CRTC1: variants seen among roughly 807,000 people sequenced by gnomAD.
CRTC1 encodes CREB-regulated transcription coactivator 1.
Under a neutral mutation model 66.1 loss-of-function variants are expected in CRTC1, and 18 were observed. That is an observed-to-expected ratio of 0.27 (90% CI 0.19 to 0.40). The LOEUF is 0.40. Among genes scored for constraint, CRTC1 ranks in the 10% least tolerant of loss-of-function variants. CRTC1 has a pLI of 1.00. For synonymous variants in CRTC1, 416 were observed against 398.8 expected (o/e 1.04, Z -0.51); for missense variants, 669 against 887.9 (o/e 0.75, Z 3.13).
intron 8 of CRTC1, 24 bp from the exon 9 acceptor site, chr19:18,765,380 C>T: frequency 6.3e-7 from 1 of 1,599,808 alleles, no homozygotes; most frequent in Non-Finnish European, 8.5e-7. Context: ...CACCTGCTCT[C>T]CCTCCCTCCT....
intron 5 of CRTC1, among the ~76,000 whole-genome samples, chr19:18,752,400 C>G (rs1197899005): frequency 6.6e-6 from 1 of 152,120 alleles, no homozygotes; most frequent in Non-Finnish European, 1.5e-5. Flanking sequence ...CTCGCTGCAG[C>G]CTCTACCTCT....
At chr19:18,761,980 C>A (rs909052148) in intron 8 of CRTC1, among the ~76,000 whole-genome samples, 1 of 152,144 alleles carries the variant, frequency 6.6e-6, no homozygotes, top group Non-Finnish European at 1.5e-5. Context: ...AAAACACAGC[C>A]GATTCGGAGG....
intron 13 of CRTC1, 22 bp downstream of exon 13, chr19:18,775,843 G>A (rs371192426): frequency 3.5e-5 from 54 of 1,546,940 alleles, no homozygotes; most frequent in Admixed American, 6.2e-5. Context: ...CCGGGGGCGC[G>A]TGTGCGGCGC....
chr19:18,779,499 T>G lies in CRTC1; in HGVS notation c.*2117T>G. ...GAAAAACTACATGTACATAGGAGAG[T>G]TTCATTACCATTAGACTTGTATGTA... On this transcript the variant is annotated 3_prime_UTR_variant, in exon 14 of 14. Coordinates refer to ENST00000321949, the MANE Select transcript of CRTC1 (RefSeq NM_015321.3). The G allele has an allele frequency of 1.4e-5, 3 of 216,070 alleles. No individual in the cohort carries two copies. Among genetic ancestry groups the G allele is most frequent in the Non-Finnish European group, 2.8e-5 (3 of 108,132 alleles). The allele number at this position is 216,070 out of a possible 1,614,324, so 13.4% of individuals were successfully genotyped here.
At chr19:18,728,529 T>C (rs1479392251) in intron 1 of CRTC1, among the ~76,000 whole-genome samples, 1 of 152,054 alleles carries the variant, frequency 6.6e-6, no homozygotes, top group Non-Finnish European at 1.5e-5. Flanking sequence ...TTTTTGGAGA[T>C]GGAGTTTCCC....
intron 1 of CRTC1, among the ~76,000 whole-genome samples, chr19:18,699,967 C>A (rs926487942): frequency 6.6e-6 from 1 of 152,060 alleles, no homozygotes; most frequent in East Asian, 1.9e-4. Flanking sequence ...TTGGCAAAGG[C>A]GGGCTTGTGA....
intron 1 of CRTC1, among the ~76,000 whole-genome samples, chr19:18,685,500 T>C: frequency 6.6e-6 from 1 of 151,938 alleles, no homozygotes; most frequent in East Asian, 1.9e-4. Context: ...GTACTAAAAA[T>C]ATAAAAATTA....
chr19:18,760,987 C>T lies in CRTC1; in HGVS notation c.886+759C>T, dbSNP rs922845974. 5.3e-5 allele frequency among the ~76,000 whole-genome samples: 8 copies of T among 152,148 alleles called. No homozygotes were observed. Among genetic ancestry groups the T allele is most frequent in the Non-Finnish European group, 1.0e-4 (7 of 68,018 alleles). ...CTCCACTTGGGACCTCGCACGGCCC[C>T]CAGCTCCCTCTCAGTGAAAGCCTGA... On this transcript the variant is annotated intron_variant, in intron 8 of 13. Transcript: ENST00000321949. The surrounding 1 kb of genome is among the most constrained non-coding windows in gnomAD (Gnocchi z 6.2).
chr19:18,689,887 C>T (rs1353010757), intron 1 of CRTC1, among the ~76,000 whole-genome samples: 2 of 151,858 alleles, frequency 1.3e-5, no homozygotes, highest in Non-Finnish European at 2.9e-5. Flanking sequence ...GGTAACTCTC[C>T]ATTTATCCAT....
intron 1 of CRTC1, among the ~76,000 whole-genome samples, chr19:18,687,890 C>T (rs376500129): frequency 1.6e-4 from 24 of 152,112 alleles, no homozygotes; most frequent in African/African-American, 5.5e-4. Flanking sequence ...GCGTTCCCTC[C>T]CACTCTTAGG....
At chr19:18,737,159 G>A (rs1752913632) in intron 1 of CRTC1, among the ~76,000 whole-genome samples, 3 of 152,072 alleles carry the variant, frequency 2.0e-5, no homozygotes, top group Non-Finnish European at 4.4e-5. Context: ...CAGAGGCAGA[G>A]GTGGGCGTTC....
chr19:18,707,934 G>A (rs766231786), intron 1 of CRTC1, among the ~76,000 whole-genome samples: 1 of 152,264 alleles, frequency 6.6e-6, no homozygotes, highest in Non-Finnish European at 1.5e-5. Flanking sequence ...CCATCTGTAA[G>A]ATGTGCCATG....
intron 1 of CRTC1, among the ~76,000 whole-genome samples, chr19:18,717,007 A>C (rs2053523669): frequency 6.6e-6 from 1 of 152,044 alleles, no homozygotes; most frequent in Non-Finnish European, 1.5e-5. Flanking sequence ...GAGTGTGAGC[A>C]TGTGTGTGTG....
intron 11 of CRTC1, among the ~76,000 whole-genome samples, chr19:18,773,416 T>C (rs917677457): frequency 1.3e-5 from 2 of 152,146 alleles, no homozygotes; most frequent in African/African-American, 4.8e-5. Context: ...CAAGCCCTCA[T>C]GGCAGGCTCA....
In CRTC1 at chr19:18,779,616, C is replaced by T. The variant is rs775895057; in HGVS notation, c.*2234C>T. 9.0e-6 allele frequency: 2 copies of T among 222,794 alleles called. No homozygotes were observed. The highest frequency in any genetic ancestry group is 2.2e-5 in the African/African-American group (1 of 44,798). The allele number at this position is 222,794 out of a possible 1,614,324, so 13.8% of individuals were successfully genotyped here. A position where few individuals can be genotyped will look rare whatever the true frequency, so the allele number is the denominator to read the frequency against. Reference sequence around the variant, plus strand: ...GGCATTGAGGACCATGCTAGGAAACCTCATACCCCATCCGTCCAACCTCCG... The same window carrying T: ...GGCATTGAGGACCATGCTAGGAAACTTCATACCCCATCCGTCCAACCTCCG... On this transcript the variant is annotated 3_prime_UTR_variant, in exon 14 of 14. Coordinates refer to ENST00000321949, the MANE Select transcript of CRTC1 (RefSeq NM_015321.3).
chr19:18,704,089 C>T (rs2053206847), intron 1 of CRTC1, among the ~76,000 whole-genome samples: 1 of 152,040 alleles, frequency 6.6e-6, no homozygotes, highest in South Asian at 2.1e-4. Context: ...GGTGGGGATC[C>T]CACAGAAGTG....
At chr19:18,762,266 A>G (rs1184071012) in intron 8 of CRTC1, among the ~76,000 whole-genome samples, 2 of 152,232 alleles carry the variant, frequency 1.3e-5, no homozygotes, top group Non-Finnish European at 2.9e-5. Flanking sequence ...AAGCACAAGG[A>G]AACACACAAC....
At chr19:18,738,371 T>A (rs369075094) in intron 1 of CRTC1, among the ~76,000 whole-genome samples, 3 of 151,980 alleles carry the variant, frequency 2.0e-5, no homozygotes, top group Non-Finnish European at 4.4e-5. Context: ...AGAAAAAAAA[T>A]TATACTTGGA....
chr19:18,771,946 GC>G lies in CRTC1; in HGVS notation c.1425+403del, dbSNP rs1471815984. Among the ~76,000 whole-genome samples, 1 of 152,180 alleles carries G rather than the reference GC, an allele frequency of 6.6e-6. No homozygotes were observed. The highest frequency in any genetic ancestry group is 1.5e-5 in the Non-Finnish European group (1 of 68,018). ...GGGGTGCAGCTGAGGTGGCTGGCCC[GC>G]CCGCAGGGAAGGCGCTGACTCTGCA... On this transcript the variant is annotated intron_variant, in intron 11 of 13. Coordinates refer to ENST00000321949, the MANE Select transcript of CRTC1 (RefSeq NM_015321.3). This position sits in a 1 kb window ranked among gnomAD's most constrained non-coding sequence, Gnocchi z 4.6.
Sources: allele counts gnomAD v4.1 joint callset (sites outside exome capture counted in the v4.1 genomes callset), GRCh38; gene constraint gnomAD v4.1.1; non-coding constraint Gnocchi (gnomAD v3.1); transcripts MANE v1.5; gene names NCBI Gene and HGNC (gene_info 2026-07-23, HGNC 2026-07-21).